NEMF: variants seen among roughly 807,000 people sequenced by gnomAD.
NEMF encodes ribosome quality control complex subunit NEMF.
NEMF carries 89 observed loss-of-function variants against 162.2 expected under a neutral mutation model. The ratio of observed to expected loss-of-function variants is 0.55; its 90% CI spans 0.46 to 0.65. The LOEUF (loss-of-function observed/expected upper bound fraction) is 0.65, where lower values mean the gene tolerates loss of function less well. Ranked by LOEUF, NEMF falls within the 30% of genes least tolerant of loss-of-function variation. NEMF has a pLI of 0.00. For missense variants in NEMF, 1,133 were observed against 1,261.9 expected (o/e 0.90, Z 1.55); for synonymous variants, 421 against 404.5 (o/e 1.04, Z -0.49).
At chr14:49,844,444 C>A (rs577222755) in intron 4 of NEMF, among the ~76,000 whole-genome samples, 29 of 152,192 alleles carry the variant, frequency 1.9e-4, no homozygotes, top group Middle Eastern at 6.8e-3. Context: ...GTCTGCGGCA[C>A]AGGGGTTGAA....
At chr14:49,809,233 A>C (rs1300020739) in intron 18 of NEMF, among the ~76,000 whole-genome samples, 1 of 152,254 alleles carries the variant, frequency 6.6e-6, no homozygotes, top group Non-Finnish European at 1.5e-5. Flanking sequence ...ACAGATGTTT[A>C]TAGTAGCTTT....
At chr14:49,784,813 T>C (rs1200220999) in intron 32 of NEMF, 100 bp from the exon 33 acceptor site, 12 of 1,388,994 alleles carry the variant, frequency 8.6e-6, no homozygotes, top group Non-Finnish European at 1.2e-5. Context: ...TTAGCTGAGA[T>C]GGTTTTACTG....
chr14:49,799,813 A>G, intron 23 of NEMF, 135 bp from the exon 24 acceptor site: 1 of 694,382 alleles, frequency 1.4e-6, no homozygotes, highest in Admixed American at 2.8e-5. Flanking sequence ...AGTGAGAAAA[A>G]CATACAACCA....
intron 29 of NEMF, chr14:49,786,081 T>C (rs1481537895): frequency 6.5e-6 from 1 of 152,692 alleles, no homozygotes; most frequent in Admixed American, 6.5e-5. Context: ...ATGGGCAATG[T>C]CTAGAGATAG....
chr14:49,795,671 C>T, intron 26 of NEMF, 120 bp downstream of exon 26: 1 of 893,566 alleles, frequency 1.1e-6, no homozygotes, highest in Non-Finnish European at 1.7e-6. Context: ...AATTTTTAGT[C>T]AAAGGAAATC....
chr14:49,810,373 C>T (rs1327547031), intron 18 of NEMF, among the ~76,000 whole-genome samples: 1 of 151,800 alleles, frequency 6.6e-6, no homozygotes, highest in Admixed American at 6.6e-5. Context: ...TCTCAAAAAA[C>T]CAAAAACAAA....
chr14:49,800,839 G>A (rs1445520493), intron 22 of NEMF, 143 bp from the exon 23 acceptor site: 1 of 711,190 alleles, frequency 1.4e-6, no homozygotes. Context: ...TTCCCAAAGG[G>A]TACTCTTAGA....
chr14:49,813,881 G>T (rs1035057597), intron 18 of NEMF, 107 bp downstream of exon 18: 178 of 690,218 alleles, frequency 2.6e-4, no homozygotes, highest in Middle Eastern at 4.0e-4. Flanking sequence ...TGGGATTACA[G>T]GCATGAGCCA....
At position 49,827,870 on chromosome 14, in the gene NEMF, AGAG is replaced by A. The variant is rs559189720; in HGVS notation, c.1488+418_1488+420del. Among the ~76,000 whole-genome samples the A allele has an allele frequency of 1.1e-4, 16 of 152,212 alleles. No individual in the cohort carries two copies. The South Asian group carries it at 2.9e-3, about 28-fold the overall frequency. ...GTGGAGAACAGACTGTAGTGGGAAA[AGAG>A]GAGGAGGAGAGAGATCCAATAAGAG... On this transcript the variant is annotated intron_variant, in intron 15 of 32. Coordinates refer to ENST00000298310, the MANE Select transcript of NEMF (RefSeq NM_004713.6).
intron 18 of NEMF, among the ~76,000 whole-genome samples, chr14:49,807,740 T>A (rs187833906): frequency 6.6e-6 from 1 of 151,820 alleles, no homozygotes; most frequent in Non-Finnish European, 1.5e-5. Context: ...ATTACAGGCA[T>A]GCACCACTAC....
intron 22 of NEMF, 114 bp downstream of exon 22, chr14:49,802,339 G>A (rs1489156639): frequency 5.1e-6 from 6 of 1,178,114 alleles, no homozygotes; most frequent in Admixed American, 5.4e-5. Context: ...TTGGGTTTTC[G>A]GGGTTTTTTT....
chr14:49,798,773 G>T (rs1890808401), intron 25 of NEMF, among the ~76,000 whole-genome samples: 1 of 152,162 alleles, frequency 6.6e-6, no homozygotes, highest in African/African-American at 2.4e-5. Context: ...CGGGCATGGT[G>T]GTGGGCGCCT....
chr14:49,788,560 T>C (rs1293019635), intron 28 of NEMF, among the ~76,000 whole-genome samples: 3 of 97,840 alleles, frequency 3.1e-5, no homozygotes, highest in East Asian at 3.3e-3. Flanking sequence ...CTCTCTCTCT[T>C]TTTTTTTTTT....
intron 4 of NEMF, among the ~76,000 whole-genome samples, chr14:49,845,786 G>T (rs2140024725): frequency 6.6e-6 from 1 of 152,308 alleles, no homozygotes; most frequent in East Asian, 1.9e-4. Flanking sequence ...GCAGTCTGTT[G>T]TTGACTGAAA....
In NEMF at chr14:49,802,566, T is replaced by A; in HGVS notation, c.1982A>T (p.Glu661Val). The change falls in exon 22 of 33, where the codon GAG becomes GTG. Residue 661 changes from glutamate to valine, a missense_variant. Coordinates refer to ENST00000298310, the MANE Select transcript of NEMF (RefSeq NM_004713.6). ...ACCCTGATGTCTCCAAACACAAGAC[T>A]CATCTACCTAAAGAAACAGTTATTT... ...MGFSFLFKVDESCVWRHQGER... is the reference protein window; with the variant it reads ...MGFSFLFKVDVSCVWRHQGER... 6.2e-7 allele frequency: 1 copy of A among 1,613,808 alleles called. No homozygotes were observed. Among genetic ancestry groups the A allele is most frequent in the Non-Finnish European group, 8.5e-7 (1 of 1,179,942 alleles).
Position 49,828,772 on chromosome 14 carries a change from T to C in NEMF, c.1268A>G (p.Asp423Gly). ...PYLLSEEEDD[D>G]VDGDVNVEKN... ...CTCAACATTGACGTCACCATCAACATCATCATCTTCCTCCTCTGATAACAA... is the reference window on the plus strand; with the variant it reads ...CTCAACATTGACGTCACCATCAACACCATCATCTTCCTCCTCTGATAACAA... Residue 423 changes from aspartate (D) to glycine (G), a missense_variant, in exon 14 of 33, where the codon GAT (aspartate) becomes GGT (glycine). Asp to Gly is a moderately conservative substitution (Grantham distance 94). Transcript: ENST00000298310. 1 of 1,558,712 alleles carries C rather than the reference T, an allele frequency of 6.4e-7. No homozygotes were observed. Among genetic ancestry groups the C allele is most frequent in the Non-Finnish European group, 8.7e-7 (1 of 1,144,488 alleles).
intron 5 of NEMF, 116 bp from the exon 6 acceptor site, chr14:49,838,322 C>T: frequency 2.7e-6 from 2 of 753,822 alleles, no homozygotes; most frequent in East Asian, 2.6e-5. Context: ...TAATCTGAAA[C>T]GTAACAGGAA....
chr14:49,843,582 G>C (rs1415243072), intron 4 of NEMF, among the ~76,000 whole-genome samples: 1 of 152,182 alleles, frequency 6.6e-6, no homozygotes, highest in Non-Finnish European at 1.5e-5. Flanking sequence ...AATGCATTTA[G>C]GCAACTTCGA....
chr14:49,828,462 A>C, intron 14 of NEMF, 108 bp from the exon 15 acceptor site: 1 of 968,864 alleles, frequency 1.0e-6, no homozygotes, highest in South Asian at 1.6e-5. Context: ...AATCAGAACA[A>C]ACTGTATAAT....
Sources: allele counts gnomAD v4.1 joint callset (sites outside exome capture counted in the v4.1 genomes callset), GRCh38; gene constraint gnomAD v4.1.1; transcripts MANE v1.5; gene names NCBI Gene and HGNC (gene_info 2026-07-23, HGNC 2026-07-21).